Variants in GULP1 observed in about 807,000 individuals in gnomAD.
GULP1 encodes GULP PTB domain containing engulfment adaptor 1.
A neutral mutation model predicts 40.9 loss-of-function variants in GULP1; 19 were observed. The observed-to-expected ratio is 0.46, with a 90% CI of 0.32 to 0.68. The LOEUF (loss-of-function observed/expected upper bound fraction) is 0.68. Among genes scored for constraint, GULP1 ranks in the 30% least tolerant of loss-of-function variants. The pLI is 0.03. For synonymous variants in GULP1, 119 were observed against 117.6 expected, an observed-to-expected ratio of 1.01 and a Z score of -0.08; for missense variants, 312 against 362.2, an observed-to-expected ratio of 0.86 and a Z score of 1.12.
intron 1 of GULP1, among the ~76,000 whole-genome samples, chr2:188,370,052 C>T (rs1000975796): frequency 2.6e-5 from 4 of 152,052 alleles, no homozygotes; most frequent in African/African-American, 7.2e-5. Context: ...TGCTTTGTTG[C>T]CCAAGCTGCT....
intron 7 of GULP1, among the ~76,000 whole-genome samples, chr2:188,567,787 A>G (rs1698107568): frequency 1.3e-5 from 2 of 152,174 alleles, no homozygotes; most frequent in Non-Finnish European, 2.9e-5. Context: ...GAAGAAGAAA[A>G]ACGTCTTTTT....
intron 7 of GULP1, among the ~76,000 whole-genome samples, chr2:188,553,692 C>T (rs1338652564): frequency 2.0e-5 from 3 of 151,802 alleles, no homozygotes; most frequent in Non-Finnish European, 2.9e-5. Context: ...TTAAGAAGAA[C>T]CCTGTTCTTC....
intron 4 of GULP1, among the ~76,000 whole-genome samples, chr2:188,496,251 T>C (rs2062884405): frequency 6.6e-6 from 1 of 152,000 alleles, no homozygotes; most frequent in Non-Finnish European, 1.5e-5. Flanking sequence ...GCTATAATCC[T>C]AAATAATTAA....
intron 6 of GULP1, among the ~76,000 whole-genome samples, chr2:188,530,975 G>A (rs1687392973): frequency 6.6e-6 from 1 of 152,084 alleles, no homozygotes; most frequent in Admixed American, 6.6e-5. Flanking sequence ...AGGAACTTCT[G>A]GCCTGTTAAC....
At chr2:188,545,611 AAATT>A (rs371854495) in intron 7 of GULP1, among the ~76,000 whole-genome samples, 47 of 152,048 alleles carry the variant, frequency 3.1e-4, no homozygotes, top group African/African-American at 9.1e-4. Flanking sequence ...CACTATAGAG[AAATT>A]AAAATGTTAT....
chr2:188,502,669 T>C (rs2063541635), intron 4 of GULP1, among the ~76,000 whole-genome samples: 1 of 151,958 alleles, frequency 6.6e-6, no homozygotes, highest in Non-Finnish European at 1.5e-5. Context: ...TCTCCTTCTT[T>C]ATATTTTCTA....
intron 2 of GULP1, among the ~76,000 whole-genome samples, chr2:188,435,347 C>T (rs1014306795): frequency 2.0e-5 from 3 of 152,000 alleles, no homozygotes; most frequent in African/African-American, 7.2e-5. Flanking sequence ...TCATTGACAA[C>T]CTGTTGCCTA....
chr2:188,425,909 G>T (rs1302598378), intron 2 of GULP1, among the ~76,000 whole-genome samples: 1 of 151,830 alleles, frequency 6.6e-6, no homozygotes, highest in Non-Finnish European at 1.5e-5. Flanking sequence ...ATTTTCTATT[G>T]TCAGAAATTG....
At chr2:188,549,379 A>C (rs80286886) in intron 7 of GULP1, among the ~76,000 whole-genome samples, 2,902 of 151,950 alleles carry the variant, frequency 0.019, 60 homozygotes, top group Non-Finnish European at 0.025. Flanking sequence ...ATACAGATGG[A>C]AAGTAAGCAC....
At chr2:188,584,063 C>T (rs1472005812) in intron 9 of GULP1, among the ~76,000 whole-genome samples, 2 of 152,126 alleles carry the variant, frequency 1.3e-5, no homozygotes, top group Non-Finnish European at 2.9e-5. Flanking sequence ...TTTTCTATTG[C>T]TTTCTTCTAA....
intron 2 of GULP1, among the ~76,000 whole-genome samples, chr2:188,418,103 CACAT>C (rs2054837024): frequency 6.6e-6 from 1 of 151,958 alleles, no homozygotes; most frequent in South Asian, 2.1e-4. Flanking sequence ...TGTGAGCCAC[CACAT>C]ACAGTCTGTT....
chr2:188,524,694 A>G (rs1258792843), intron 5 of GULP1, among the ~76,000 whole-genome samples: 3 of 151,284 alleles, frequency 2.0e-5, no homozygotes, highest in Admixed American at 2.0e-4. Flanking sequence ...GCCTGGCGCT[A>G]CTGGCTCGCA....
chr2:188,569,446 T>A, intron 8 of GULP1, 91 bp downstream of exon 8: 1 of 784,228 alleles, frequency 1.3e-6, no homozygotes, highest in Non-Finnish European at 2.3e-6. Context: ...GCCCTGCCAT[T>A]AAATTTCACC....
At chr2:188,389,007 A>C (rs2050168107) in intron 2 of GULP1, among the ~76,000 whole-genome samples, 1 of 152,238 alleles carries the variant, frequency 6.6e-6, no homozygotes, top group South Asian at 2.1e-4. Flanking sequence ...TAGGGCGAAA[A>C]AAATGTAAAT....
In GULP1 at chr2:188,366,536, A is replaced by C. The variant is rs543596829; in HGVS notation, c.-171-17227A>C. 5.9e-5 allele frequency among the ~76,000 whole-genome samples: 9 copies of C among 151,406 alleles called. No homozygotes were observed. In the East Asian group the frequency reaches 1.8e-3, roughly 30 times the overall value. ...TTCATTTGCATGTCTGTCTATCTACAATTACATGGGCTTTTTGTATTTTAC... is the reference window on the plus strand; with the variant it reads ...TTCATTTGCATGTCTGTCTATCTACCATTACATGGGCTTTTTGTATTTTAC... On this transcript the variant is annotated intron_variant, in intron 1 of 11. Transcript: ENST00000409830.
At chr2:188,445,331 T>C (rs1326539509) in intron 2 of GULP1, among the ~76,000 whole-genome samples, 2 of 152,022 alleles carry the variant, frequency 1.3e-5, no homozygotes, top group Admixed American at 6.6e-5. Flanking sequence ...GCAGGAAAGA[T>C]ACAGAGCATG....
At chr2:188,374,702 A>G (rs1416368055) in intron 1 of GULP1, among the ~76,000 whole-genome samples, 6 of 152,046 alleles carry the variant, frequency 3.9e-5, no homozygotes, top group Non-Finnish European at 7.4e-5. Context: ...GCCATTGACC[A>G]GTCCTGGAAC....
At chr2:188,400,852 C>T (rs1228242342) in intron 2 of GULP1, among the ~76,000 whole-genome samples, 5 of 151,622 alleles carry the variant, frequency 3.3e-5, no homozygotes, top group Non-Finnish European at 7.4e-5. Context: ...TGTAATATGG[C>T]CCAGGCTGCT....
At chr2:188,370,852 T>C (rs2047508219) in intron 1 of GULP1, among the ~76,000 whole-genome samples, 1 of 152,164 alleles carries the variant, frequency 6.6e-6, no homozygotes, top group Non-Finnish European at 1.5e-5. Flanking sequence ...GTTACTTCCC[T>C]TTAAGCATGT....
Sources: gnomAD v4.1 joint callset for allele counts (sites outside exome capture counted in the v4.1 genomes callset) on GRCh38, gnomAD v4.1.1 for gene constraint, MANE v1.5 for transcripts, NCBI Gene and HGNC (gene_info 2026-07-23, HGNC 2026-07-21) for gene names.